BBS9: variants seen among roughly 807,000 people sequenced by gnomAD.
BBS9 encodes the protein Bardet-Biedl syndrome 9, also known as protein PTHB1.
BBS9 carries 89 observed loss-of-function variants against 117.7 expected under a neutral mutation model. That is an observed-to-expected ratio of 0.76 (90% CI 0.64 to 0.90). The LOEUF is 0.90. Among genes scored for constraint, BBS9 ranks in the 40% least tolerant of loss-of-function variants. BBS9 has a pLI of 0.00. For missense variants in BBS9, 982 were observed against 1,042.2 expected (o/e 0.94, Z 0.80); for synonymous variants, 379 against 370.9 (o/e 1.02, Z -0.25).
chr7:33,273,752 C>G, intron 8 of BBS9, 75 bp from the exon 9 acceptor site: 1 of 1,395,538 alleles, frequency 7.2e-7, no homozygotes, highest in South Asian at 1.2e-5. Context: ...TTTGTGCTAT[C>G]AATTTCCTAA....
chr7:33,609,598 C>T (rs1864758556), downstream of BBS9, among the ~76,000 whole-genome samples: 1 of 152,028 alleles, frequency 6.6e-6, no homozygotes, highest in Non-Finnish European at 1.5e-5. Context: ...TCTCCTTTGA[C>T]TTGGGGTCCA....
chr7:33,343,679 A>G (rs1382708560), intron 11 of BBS9, among the ~76,000 whole-genome samples: 1 of 151,958 alleles, frequency 6.6e-6, no homozygotes, highest in Non-Finnish European at 1.5e-5. Context: ...TTGTATTTTT[A>G]GTAGAGACGG....
At chr7:33,418,275 CA>C (rs1832325347) in intron 19 of BBS9, among the ~76,000 whole-genome samples, 1 of 152,156 alleles carries the variant, frequency 6.6e-6, no homozygotes, top group Admixed American at 6.5e-5. Context: ...TTGAGATTTG[CA>C]GTGTGTTCCG....
chr7:33,305,791 G>C (rs777643028), intron 9 of BBS9, among the ~76,000 whole-genome samples: 1 of 151,748 alleles, frequency 6.6e-6, no homozygotes, highest in Non-Finnish European at 1.5e-5. Flanking sequence ...TGGGTCTTCT[G>C]TCTTTTTTTC....
chr7:33,528,984 G>A (rs1234198199), intron 20 of BBS9, among the ~76,000 whole-genome samples: 1 of 152,236 alleles, frequency 6.6e-6, no homozygotes, highest in East Asian at 1.9e-4. Context: ...CTATTGACCA[G>A]TGGAGACTAG....
At chr7:33,502,193 T>C (rs908744105) in intron 19 of BBS9, among the ~76,000 whole-genome samples, 1 of 152,048 alleles carries the variant, frequency 6.6e-6, no homozygotes, top group African/African-American at 2.4e-5. Flanking sequence ...CAGGTGTGAG[T>C]CACACGCCCA....
At chr7:33,497,962 T>C (rs1438586514) in intron 19 of BBS9, among the ~76,000 whole-genome samples, 1 of 152,168 alleles carries the variant, frequency 6.6e-6, no homozygotes, top group East Asian at 1.9e-4. Flanking sequence ...TAAATTGAAA[T>C]GAGCCCTAAA....
rs770734697 is a variant in BBS9, at chr7:33,349,096, A to G, written c.1358A>G (p.Gln453Arg). 1 of 1,612,912 alleles carries G rather than the reference A, an allele frequency of 6.2e-7. No homozygotes were observed. The highest frequency in any genetic ancestry group is 2.2e-5 in the East Asian group (1 of 44,792). The change falls in exon 13 of 23, where the codon CAA becomes CGA. Residue 453 changes from glutamine (Q) to arginine (R), a missense_variant. Transcript: ENST00000242067. ...ACACTGCAGAACAGAGTGATATTGCAAAAAGCCAAATTATCAGTCTACGTG... is the reference window on the plus strand; with the variant it reads ...ACACTGCAGAACAGAGTGATATTGCGAAAAGCCAAATTATCAGTCTACGTG... ...KVTLQNRVIL[Q>R]KAKLSVYVQP...
At chr7:33,496,004 G>C (rs1158647704) in intron 19 of BBS9, among the ~76,000 whole-genome samples, 1 of 152,018 alleles carries the variant, frequency 6.6e-6, no homozygotes, top group African/African-American at 2.4e-5. Context: ...ATTGGTGTCC[G>C]GGATAATTGT....
chr7:33,453,682 C>T (rs1038352069), intron 19 of BBS9, among the ~76,000 whole-genome samples: 9 of 151,978 alleles, frequency 5.9e-5, no homozygotes, highest in Non-Finnish European at 1.0e-4. Context: ...CCACCATGCC[C>T]GGCTAATTTT....
At chr7:33,513,114 T>G (rs765053421) in intron 20 of BBS9, among the ~76,000 whole-genome samples, 10 of 152,182 alleles carry the variant, frequency 6.6e-5, no homozygotes, top group Non-Finnish European at 1.3e-4. Flanking sequence ...TAAAGCTCAT[T>G]TTATGTGACT....
intron 19 of BBS9, among the ~76,000 whole-genome samples, chr7:33,492,225 CA>C (rs1296550353): frequency 2.2e-5 from 2 of 91,280 alleles, no homozygotes; most frequent in Non-Finnish European, 4.4e-5. Context: ...AAAAAAAAAA[CA>C]AAAAAAAAAC....
intron 21 of BBS9, among the ~76,000 whole-genome samples, chr7:33,551,538 A>C (rs558664067): frequency 6.6e-6 from 1 of 152,176 alleles, no homozygotes; most frequent in South Asian, 2.1e-4. Flanking sequence ...CATTATTTCC[A>C]TTGAAAAACA....
chr7:33,238,173 A>G (rs1056637913), intron 5 of BBS9, among the ~76,000 whole-genome samples: 4 of 152,230 alleles, frequency 2.6e-5, no homozygotes, highest in African/African-American at 4.8e-5. Flanking sequence ...TTCAATATAC[A>G]TGTTTGAACA....
intron 5 of BBS9, among the ~76,000 whole-genome samples, chr7:33,196,368 T>C (rs1480828360): frequency 3.3e-5 from 5 of 152,166 alleles, no homozygotes; most frequent in African/African-American, 1.2e-4. Context: ...GCTGAGAGGC[T>C]GTGCTTCCCA....
rs115073880 is a variant in BBS9 at position 33,154,376 on chromosome 7, C to T, written c.264-1262C>T. On this transcript the variant is annotated intron_variant, in intron 3 of 22. Transcript: ENST00000242067. ...AACCCCCACCTAGGTCTGCAGACTT[C>T]AATTATAGTCCTTGCAGTTTAGAAC... Among the ~76,000 whole-genome samples the T allele has an allele frequency of 4.2e-3, 633 of 152,252 alleles. 2 individuals carry two copies. The highest frequency in any genetic ancestry group is 0.015 in the African/African-American group (616 of 41,538).
chr7:33,387,919 A>G, intron 18 of BBS9, 73 bp from the exon 19 acceptor site: 1 of 1,483,286 alleles, frequency 6.7e-7, no homozygotes, highest in South Asian at 1.1e-5. Context: ...TTTTATTATC[A>G]TTGTGTGTAT....
chr7:33,503,877 T>C (rs1845795445), intron 19 of BBS9, among the ~76,000 whole-genome samples: 1 of 152,140 alleles, frequency 6.6e-6, no homozygotes, highest in Non-Finnish European at 1.5e-5. Flanking sequence ...AGGGGACTTC[T>C]TGAAGTAATG....
intron 5 of BBS9, among the ~76,000 whole-genome samples, chr7:33,214,478 T>G (rs1468735167): frequency 2.0e-5 from 3 of 152,240 alleles, no homozygotes; most frequent in Non-Finnish European, 4.4e-5. Flanking sequence ...TTCAGTGATA[T>G]GGAGTTAAAA....
Sources: gnomAD v4.1 joint callset for allele counts (sites outside exome capture counted in the v4.1 genomes callset) on GRCh38, gnomAD v4.1.1 for gene constraint, MANE v1.5 for transcripts, NCBI Gene and HGNC (gene_info 2026-07-23, HGNC 2026-07-21) for gene names.